Variants in RASSF2 observed in about 807,000 individuals in gnomAD.
The protein encoded by RASSF2 is ras association domain-containing protein 2.
RASSF2 carries 34 observed loss-of-function variants against 46.3 expected under a neutral mutation model. The ratio of observed to expected loss-of-function variants is 0.73; its 90% CI spans 0.56 to 0.98. The LOEUF (loss-of-function observed/expected upper bound fraction) is 0.98, where lower values mean the gene tolerates loss of function less well. Among genes scored for constraint, RASSF2 ranks in the 50% least tolerant of loss-of-function variants. RASSF2 has a pLI of 0.00. For synonymous variants in RASSF2, 158 were observed against 162.5 expected, an observed-to-expected ratio of 0.97 and a Z score of 0.21; for missense variants, 364 against 431.2, an observed-to-expected ratio of 0.84 and a Z score of 1.38.
intron 2 of RASSF2, among the ~76,000 whole-genome samples, chr20:4,816,330 T>C (rs1421030165): frequency 6.6e-6 from 1 of 152,002 alleles, no homozygotes. Flanking sequence ...AAAATATATA[T>C]AGATAAATGA....
chr20:4,822,531 C>G (rs1302336198), intron 1 of RASSF2, 128 bp from the exon 2 acceptor site: 1 of 152,342 alleles, frequency 6.6e-6, no homozygotes, highest in East Asian at 1.9e-4. Context: ...CCCTCAGTCT[C>G]CCTATGAGGC....
At chr20:4,798,841 C>CAA (rs202031937) in intron 3 of RASSF2, among the ~76,000 whole-genome samples, 1 of 97,248 alleles carries the variant, frequency 1.0e-5, no homozygotes. Context: ...AACAAACAAA[C>CAA]AAACAAAAAA....
chr20:4,786,189 C>T (rs1425651167), intron 11 of RASSF2, 42 bp downstream of exon 11: 2 of 1,490,178 alleles, frequency 1.3e-6, no homozygotes, highest in Non-Finnish European at 9.4e-7. Context: ...TCTGTTGAGG[C>T]CCCAGGAGAA....
At chr20:4,816,634 C>T (rs1029200856) in intron 2 of RASSF2, among the ~76,000 whole-genome samples, 2 of 152,030 alleles carry the variant, frequency 1.3e-5, no homozygotes, top group Admixed American at 6.6e-5. Flanking sequence ...GCGTACTTTG[C>T]CACAATAAAA....
chr20:4,803,425 G>A (rs1568574358), intron 2 of RASSF2, among the ~76,000 whole-genome samples: 1 of 152,132 alleles, frequency 6.6e-6, no homozygotes, highest in Admixed American at 6.5e-5. Context: ...AGTGAGATTC[G>A]TGTCAGACCT....
chr20:4,820,614 G>C (rs1998293), intron 2 of RASSF2, among the ~76,000 whole-genome samples: 131,103 of 152,212 alleles, frequency 0.86, 56,569 homozygotes, highest in East Asian at 0.93. Context: ...ACAACTGGAC[G>C]ATGTTGTGAA....
chr20:4,785,776 C>T (rs1280867864), intron 11 of RASSF2, among the ~76,000 whole-genome samples: 2 of 152,238 alleles, frequency 1.3e-5, no homozygotes, highest in East Asian at 3.9e-4. Flanking sequence ...TGCACTATCC[C>T]TTGAGGTTAC....
At chr20:4,802,882 G>GTGTATA (rs1555791511) in intron 2 of RASSF2, among the ~76,000 whole-genome samples, 137 of 134,526 alleles carry the variant, frequency 1.0e-3, no homozygotes, top group Non-Finnish European at 1.9e-3. Flanking sequence ...ATGTGTGTGT[G>GTGTATA]TATATATATA....
intron 2 of RASSF2, among the ~76,000 whole-genome samples, chr20:4,806,802 G>A (rs55719961): frequency 0.036 from 5,495 of 151,908 alleles, 337 homozygotes; most frequent in African/African-American, 0.12. Context: ...CATCCACCCC[G>A]GCAGCTACCC....
chr20:4,791,546 A>T (rs1395938926), intron 6 of RASSF2, among the ~76,000 whole-genome samples: 2 of 152,366 alleles, frequency 1.3e-5, no homozygotes, highest in African/African-American at 4.8e-5. Context: ...CAATACTGAC[A>T]TTAATCACAA....
intron 2 of RASSF2, among the ~76,000 whole-genome samples, chr20:4,804,310 C>T (rs913620020): frequency 5.5e-5 from 8 of 145,822 alleles, no homozygotes; most frequent in East Asian, 4.0e-4. Context: ...ACATGTAACG[C>T]GCAAAAAGAA....
intron 2 of RASSF2, among the ~76,000 whole-genome samples, chr20:4,816,285 A>C (rs1046433527): frequency 1.3e-5 from 2 of 152,200 alleles, no homozygotes; most frequent in South Asian, 2.1e-4. Context: ...TAGCCAGGGC[A>C]ACAGAGTGAG....
chr20:4,822,891 C>G (rs1477563261), intron 1 of RASSF2, among the ~76,000 whole-genome samples: 1 of 152,232 alleles, frequency 6.6e-6, no homozygotes, highest in Non-Finnish European at 1.5e-5. Flanking sequence ...CTCCCCAGCC[C>G]TGCACCTGCC....
chr20:4,822,619 G>C (rs1928774246), intron 1 of RASSF2, among the ~76,000 whole-genome samples: 1 of 152,264 alleles, frequency 6.6e-6, no homozygotes, highest in Non-Finnish European at 1.5e-5. Flanking sequence ...TGCAGAAGTA[G>C]CCGGGGCCGC....
chr20:4,804,303 T>C (rs957871257), intron 2 of RASSF2, among the ~76,000 whole-genome samples: 1 of 150,626 alleles, frequency 6.6e-6, no homozygotes, highest in South Asian at 2.1e-4. Context: ...GGAGTACACA[T>C]GTAACGCGCA....
intron 1 of RASSF2, 23 bp from the exon 2 acceptor site, chr20:4,822,426 CT>C (rs3215695): frequency 0.64 from 97,910 of 152,124 alleles, 31,858 homozygotes; most frequent in East Asian, 0.83. Context: ...GTGCACGCAG[CT>C]GTTGAGAGGC....
intron 2 of RASSF2, among the ~76,000 whole-genome samples, chr20:4,811,664 G>T (rs543802300): frequency 6.6e-6 from 1 of 152,282 alleles, no homozygotes; most frequent in South Asian, 2.1e-4. Flanking sequence ...ACAGTGTAGA[G>T]TGTCCCGCAG....
In RASSF2 at chr20:4,784,170, G is replaced by T; in HGVS notation, c.*103C>A. ...TGATGGCTTGGCCGGAGCTGGGGAGGTTTGTGTCTAAATGTTTCCATGGAA... is the reference window on the plus strand; with the variant it reads ...TGATGGCTTGGCCGGAGCTGGGGAGTTTTGTGTCTAAATGTTTCCATGGAA... On this transcript the variant is annotated 3_prime_UTR_variant, in exon 12 of 12. Coordinates refer to ENST00000379400, the MANE Select transcript of RASSF2 (RefSeq NM_014737.3). 1 of 1,221,326 alleles carries T rather than the reference G, an allele frequency of 8.2e-7. No homozygotes were observed. Among genetic ancestry groups the T allele is most frequent in the Non-Finnish European group, 1.2e-6 (1 of 829,584 alleles). The allele number at this position is 1,221,326 out of a possible 1,614,324, so 75.7% of individuals were successfully genotyped here.
chr20:4,785,727 C>A (rs975254944), intron 11 of RASSF2, among the ~76,000 whole-genome samples: 6 of 152,128 alleles, frequency 3.9e-5, no homozygotes, highest in African/African-American at 1.4e-4. Flanking sequence ...CTTGCCTTCA[C>A]CCCTTCAGGC....
Sources: allele counts gnomAD v4.1 joint callset (sites outside exome capture counted in the v4.1 genomes callset), GRCh38; gene constraint gnomAD v4.1.1; transcripts MANE v1.5; gene names NCBI Gene and HGNC (gene_info 2026-07-23, HGNC 2026-07-21).